Variants in TANGO6 observed in about 807,000 individuals in gnomAD.
TANGO6 encodes the protein transport and Golgi organization protein 6 homolog.
TANGO6 carries 90 observed loss-of-function variants against 114.2 expected under a neutral mutation model. The observed-to-expected ratio is 0.79, with a 90% CI of 0.66 to 0.94. The LOEUF is 0.94. Ranked by LOEUF, TANGO6 falls within the 40% of genes least tolerant of loss-of-function variation. The pLI, the probability that TANGO6 is intolerant of heterozygous loss-of-function variation, is 0.00. For synonymous variants in TANGO6, 477 were observed against 509.8 expected (o/e 0.94, Z 0.87); for missense variants, 1,274 against 1,315.3 (o/e 0.97, Z 0.49).
At chr16:69,040,197 C>A in intron 16 of TANGO6, 111 bp from the exon 17 acceptor site, 1 of 913,474 alleles carries the variant, frequency 1.1e-6, no homozygotes. Context: ...CCAGCCCTCT[C>A]TAAGCCAGAT....
At chr16:68,939,262 C>T (rs1434121044) in intron 14 of TANGO6, among the ~76,000 whole-genome samples, 2 of 151,938 alleles carry the variant, frequency 1.3e-5, no homozygotes, top group Non-Finnish European at 2.9e-5. Flanking sequence ...TGGTGGCAGG[C>T]GCCTGTAATC....
At chr16:68,880,879 TA>T (rs2152170981) in intron 7 of TANGO6, among the ~76,000 whole-genome samples, 1 of 152,232 alleles carries the variant, frequency 6.6e-6, no homozygotes, top group South Asian at 2.1e-4. Context: ...ATGACTAATC[TA>T]AAGCTCCAAG....
rs34796579 is a variant in TANGO6 at position 69,018,139 on chromosome 16, C to CTTTT, written c.2843-4670_2843-4667dup. ...CACCATGCCCAGCCGTTGGAAATCTCTTTTTTTTTTTTTTTTTTTTTTGAG... is the reference window on the plus strand; with the variant it reads ...CACCATGCCCAGCCGTTGGAAATCTCTTTTTTTTTTTTTTTTTTTTTTTTTTGAG... On this transcript the variant is annotated intron_variant, in intron 15 of 17. Transcript: ENST00000261778. Among the ~76,000 whole-genome samples, 105 of 77,086 alleles carry CTTTT rather than the reference C, an allele frequency of 1.4e-3. 1 individual carries two copies. The highest frequency in any genetic ancestry group is 2.1e-3 in the Non-Finnish European group (86 of 40,304). 50.6% of individuals were successfully genotyped at this position (77,086 alleles called of 152,430 possible). A position where few individuals can be genotyped will look rare whatever the true frequency, so the allele number is the denominator to read the frequency against.
intron 15 of TANGO6, among the ~76,000 whole-genome samples, chr16:69,020,344 G>C (rs557524120): frequency 2.0e-5 from 3 of 152,268 alleles, no homozygotes; most frequent in African/African-American, 7.2e-5. Context: ...AGACCTGATG[G>C]GATCAGAGAT....
At chr16:68,950,643 G>A (rs768868769) in intron 14 of TANGO6, among the ~76,000 whole-genome samples, 14 of 151,040 alleles carry the variant, frequency 9.3e-5, no homozygotes, top group South Asian at 2.1e-4. Flanking sequence ...GGTCGATCAC[G>A]AGTTCAGGAG....
chr16:68,908,544 G>A (rs1180488446), intron 10 of TANGO6, among the ~76,000 whole-genome samples: 1 of 152,132 alleles, frequency 6.6e-6, no homozygotes, highest in Non-Finnish European at 1.5e-5. Flanking sequence ...GCCTGGCATG[G>A]TGGCTTGTGC....
intron 15 of TANGO6, among the ~76,000 whole-genome samples, chr16:69,014,833 C>G (rs935440740): frequency 6.6e-6 from 1 of 150,502 alleles, no homozygotes; most frequent in Non-Finnish European, 1.5e-5. Flanking sequence ...GAGTTTGATT[C>G]TGCAGTGAGT....
At chr16:69,018,139 CTTTTTTT>C (rs34796579) in intron 15 of TANGO6, among the ~76,000 whole-genome samples, 4 of 77,084 alleles carry the variant, frequency 5.2e-5, no homozygotes, top group South Asian at 5.8e-4. Flanking sequence ...TTGGAAATCT[CTTTTTTT>C]TTTTTTTTTT....
intron 17 of TANGO6, among the ~76,000 whole-genome samples, chr16:69,083,028 ATC>A (rs1960488625): frequency 6.6e-6 from 1 of 151,602 alleles, no homozygotes; most frequent in Admixed American, 6.6e-5. Flanking sequence ...TGGGAAACCT[ATC>A]TCAGTACGAG....
chr16:69,081,176 G>A (rs1426600652), intron 17 of TANGO6, among the ~76,000 whole-genome samples: 2 of 151,936 alleles, frequency 1.3e-5, no homozygotes, highest in African/African-American at 4.8e-5. Flanking sequence ...TTCCTCTATA[G>A]GACTGGCAGA....
intron 17 of TANGO6, among the ~76,000 whole-genome samples, chr16:69,076,396 T>A (rs370330605): frequency 2.6e-5 from 4 of 152,060 alleles, no homozygotes; most frequent in African/African-American, 9.7e-5. Flanking sequence ...CCAGCCTCAT[T>A]TCTTGATACA....
At chr16:69,075,160 C>T (rs971316615) in intron 17 of TANGO6, among the ~76,000 whole-genome samples, 3 of 150,788 alleles carry the variant, frequency 2.0e-5, no homozygotes, top group Non-Finnish European at 3.0e-5. Context: ...TAATTTTTTT[C>T]CTTCCAAAGT....
intron 15 of TANGO6, among the ~76,000 whole-genome samples, chr16:69,014,475 A>G (rs1476800671): frequency 6.6e-6 from 1 of 152,210 alleles, no homozygotes; most frequent in Non-Finnish European, 1.5e-5. Context: ...TGTAGCCTGA[A>G]TCACATGGGG....
At chr16:69,037,613 G>C (rs1424773843) in intron 16 of TANGO6, among the ~76,000 whole-genome samples, 1 of 152,234 alleles carries the variant, frequency 6.6e-6, no homozygotes, top group South Asian at 2.1e-4. Flanking sequence ...CCTATTTGGA[G>C]GTTGCCCAAG....
At position 68,907,538 on chromosome 16, in the gene TANGO6, G is replaced by T. The variant is rs375813110; in HGVS notation, c.1763G>T (p.Cys588Phe). 44 of 1,613,666 alleles carry T rather than the reference G, an allele frequency of 2.7e-5. No individual in the cohort carries two copies. Among genetic ancestry groups the T allele is most frequent in the Non-Finnish European group, 3.6e-5 (42 of 1,179,830 alleles). Residue 588 changes from cysteine to phenylalanine, a missense_variant, in exon 10 of 18, where the codon TGC (cysteine) becomes TTC (phenylalanine). This residue lies in a region of TANGO6 where 908 missense variants were observed against 910.2 expected (regional missense o/e 1.00). Transcript: ENST00000261778. ...GACTTGCTGTCCCACTGCCAGGAAT[G>T]CGGTTTGGCAGGAGACTTCTTCATC... ...LGDLLSHCQE[C>F]GLAGDFFIFC...
chr16:69,063,340 C>G (rs916009590), intron 17 of TANGO6, among the ~76,000 whole-genome samples: 1 of 151,458 alleles, frequency 6.6e-6, no homozygotes, highest in Non-Finnish European at 1.5e-5. Flanking sequence ...CTGGCTAACA[C>G]AGTGAAACCC....
chr16:68,845,047 A>C (rs1019564330), intron 1 of TANGO6, among the ~76,000 whole-genome samples: 11 of 148,792 alleles, frequency 7.4e-5, no homozygotes, highest in African/African-American at 2.8e-4. Context: ...GGCTCACTGC[A>C]ACCTCTGCCT....
At chr16:68,865,513 C>T (rs1962162157) in intron 3 of TANGO6, among the ~76,000 whole-genome samples, 1 of 152,168 alleles carries the variant, frequency 6.6e-6, no homozygotes, top group Admixed American at 6.6e-5. Flanking sequence ...TTACTCCACC[C>T]TCAGCAATAA....
At chr16:68,882,887 A>G (rs987134848) in intron 7 of TANGO6, among the ~76,000 whole-genome samples, 1 of 152,072 alleles carries the variant, frequency 6.6e-6, no homozygotes, top group African/African-American at 2.4e-5. Context: ...ACGTTGTGGT[A>G]CGCGCCTGTA....
Sources: gnomAD v4.1 joint callset for allele counts (sites outside exome capture counted in the v4.1 genomes callset) on GRCh38, gnomAD v4.1.1 for gene constraint, gnomAD v4.1.1 regional missense constraint, MANE v1.5 for transcripts, NCBI Gene and HGNC (gene_info 2026-07-23, HGNC 2026-07-21) for gene names.